TSHZ2: variants seen among roughly 807,000 people sequenced by gnomAD.
TSHZ2 encodes the protein teashirt zinc finger homeobox 2, also known as teashirt homolog 2.
In TSHZ2, 21 loss-of-function variants were observed where a neutral mutation model predicts 74.4. The observed-to-expected ratio is 0.28, with a 90% CI of 0.20 to 0.41. TSHZ2 has a LOEUF of 0.41. Ranked by LOEUF, TSHZ2 falls within the 10% of genes least tolerant of loss-of-function variation. The probability of loss-of-function intolerance (pLI) is 1.00; values close to 1 mark genes in which losing one functional copy is unlikely to be tolerated. For missense variants in TSHZ2, 1,244 were observed against 1,293.5 expected, an observed-to-expected ratio of 0.96 and a Z score of 0.59; for synonymous variants, 540 against 515.3, an observed-to-expected ratio of 1.05 and a Z score of -0.65.
intron 2 of TSHZ2, among the ~76,000 whole-genome samples, chr20:53,309,748 A>C (rs1183301662): frequency 6.6e-6 from 1 of 152,218 alleles, no homozygotes; most frequent in Non-Finnish European, 1.5e-5. Context: ...ATCTCAGTGC[A>C]TCTAACCTTC....
chr20:53,213,585 AAG>A (rs1029873706), intron 1 of TSHZ2, among the ~76,000 whole-genome samples: 1 of 151,802 alleles, frequency 6.6e-6, no homozygotes, highest in Non-Finnish European at 1.5e-5. Flanking sequence ...GAGAGAGAGA[AAG>A]AGAGAGAGAG....
At chr20:53,239,713 G>A (rs933657181) in intron 1 of TSHZ2, among the ~76,000 whole-genome samples, 4 of 151,978 alleles carry the variant, frequency 2.6e-5, no homozygotes, top group African/African-American at 9.7e-5. Flanking sequence ...TTAATGGACA[G>A]AATAGCAAAA....
chr20:53,003,957 G>GCAT (rs1190686091), intron 1 of TSHZ2, among the ~76,000 whole-genome samples: 2 of 150,240 alleles, frequency 1.3e-5, no homozygotes, highest in African/African-American at 4.9e-5. Flanking sequence ...TGGACAGTAT[G>GCAT]CATCCTGTTC....
At chr20:53,195,272 T>C (rs1437060934) in intron 1 of TSHZ2, among the ~76,000 whole-genome samples, 1 of 151,842 alleles carries the variant, frequency 6.6e-6, no homozygotes, top group Non-Finnish European at 1.5e-5. Context: ...AATAAATAAA[T>C]ATATATATAT....
At chr20:52,979,667 T>C (rs1055145682) in intron 1 of TSHZ2, among the ~76,000 whole-genome samples, 6 of 152,208 alleles carry the variant, frequency 3.9e-5, no homozygotes. Context: ...TTTTCAGTTG[T>C]TGCCTCCCTC....
intron 1 of TSHZ2, among the ~76,000 whole-genome samples, chr20:53,011,991 A>T (rs1216088482): frequency 6.6e-6 from 1 of 152,200 alleles, no homozygotes; most frequent in African/African-American, 2.4e-5. Flanking sequence ...CAGAGAATTG[A>T]GAAACGGGGT....
intron 1 of TSHZ2, among the ~76,000 whole-genome samples, chr20:53,045,862 G>A (rs1984210267): frequency 6.6e-6 from 1 of 152,168 alleles, no homozygotes; most frequent in Non-Finnish European, 1.5e-5. Context: ...TTTCCAAAGT[G>A]CCACTCTGCA....
chr20:53,003,987 G>A (rs1318171868), intron 1 of TSHZ2, among the ~76,000 whole-genome samples: 1 of 151,716 alleles, frequency 6.6e-6, no homozygotes, highest in African/African-American at 2.4e-5. Context: ...CAGTGTCTGT[G>A]GAAAGTTCAG....
intron 2 of TSHZ2, among the ~76,000 whole-genome samples, chr20:53,410,243 C>G (rs1230310674): frequency 6.6e-6 from 1 of 152,174 alleles, no homozygotes; most frequent in Non-Finnish European, 1.5e-5. Flanking sequence ...CCCTCCCTGA[C>G]TTACCACTTA....
chr20:53,305,078 G>A (rs889628808), intron 2 of TSHZ2, among the ~76,000 whole-genome samples: 26 of 151,644 alleles, frequency 1.7e-4, no homozygotes, highest in African/African-American at 6.3e-4. Flanking sequence ...TGGGACTGCA[G>A]GTGCCCTCCA....
intron 1 of TSHZ2, among the ~76,000 whole-genome samples, chr20:53,208,995 G>A (rs772750288): frequency 1.3e-5 from 2 of 152,120 alleles, no homozygotes; most frequent in Non-Finnish European, 2.9e-5. Context: ...CCTTTCACTT[G>A]TTCCACCTAC....
At chr20:53,300,128 C>G (rs1338298342) in intron 2 of TSHZ2, among the ~76,000 whole-genome samples, 2 of 152,150 alleles carry the variant, frequency 1.3e-5, no homozygotes, top group Non-Finnish European at 2.9e-5. Context: ...TGAAGTGCAG[C>G]CCCCAGCAAA....
At chr20:53,017,496 C>A (rs1018969794) in intron 1 of TSHZ2, among the ~76,000 whole-genome samples, 1 of 151,978 alleles carries the variant, frequency 6.6e-6, no homozygotes, top group Non-Finnish European at 1.5e-5. Flanking sequence ...AGATATAACT[C>A]GTGGCAAAAT....
At chr20:53,148,362 G>C (rs1240740539) in intron 1 of TSHZ2, among the ~76,000 whole-genome samples, 1 of 152,118 alleles carries the variant, frequency 6.6e-6, no homozygotes, top group Non-Finnish European at 1.5e-5. Flanking sequence ...GAGAGTTGCT[G>C]CTAAGCTTCC....
chr20:53,492,401 C>T lies in TSHZ2; in HGVS notation c.*5266C>T, dbSNP rs1222116300. The T allele has an allele frequency of 2.0e-5, 3 of 152,186 alleles. No individual in the cohort carries two copies. The highest frequency in any genetic ancestry group is 2.9e-5 in the Non-Finnish European group (2 of 68,028). 9.4% of individuals were successfully genotyped at this position (152,186 alleles called of 1,614,324 possible). A position where few individuals can be genotyped will look rare whatever the true frequency, so the allele number is the denominator to read the frequency against. On this transcript the variant is annotated 3_prime_UTR_variant, in exon 3 of 3. Transcript: ENST00000371497. ...GTAAATATTACAAACATTCCAGTTT[C>T]GCAATACAATACTTGAGCTTTCGAA...
intron 1 of TSHZ2, among the ~76,000 whole-genome samples, chr20:52,989,896 A>G (rs2122912492): frequency 6.6e-6 from 1 of 151,750 alleles, no homozygotes; most frequent in South Asian, 2.1e-4. Flanking sequence ...ACTCTAACCA[A>G]GTAAATAGAT....
chr20:53,483,973 G>T (rs1055080024), intron 2 of TSHZ2, among the ~76,000 whole-genome samples: 1 of 152,196 alleles, frequency 6.6e-6, no homozygotes, highest in Non-Finnish European at 1.5e-5. Flanking sequence ...GCCTGCAGTA[G>T]GCCTGGTGTG....
intron 2 of TSHZ2, among the ~76,000 whole-genome samples, chr20:53,272,942 G>A (rs1020041420): frequency 1.3e-5 from 2 of 152,206 alleles, no homozygotes; most frequent in Admixed American, 6.5e-5. Context: ...AGGAAATATG[G>A]GGTAGTGCAA....
At chr20:53,006,313 G>C (rs186301052) in intron 1 of TSHZ2, among the ~76,000 whole-genome samples, 1 of 152,190 alleles carries the variant, frequency 6.6e-6, no homozygotes, top group Non-Finnish European at 1.5e-5. Context: ...TTTCCCTAAC[G>C]TTAAGTATTC....
Sources: gnomAD v4.1 joint callset for allele counts (sites outside exome capture counted in the v4.1 genomes callset) on GRCh38, gnomAD v4.1.1 for gene constraint, MANE v1.5 for transcripts, NCBI Gene and HGNC (gene_info 2026-07-23, HGNC 2026-07-21) for gene names.